EVI5: variants seen among roughly 807,000 people sequenced by gnomAD.
The protein encoded by EVI5 is ecotropic viral integration site 5, also known as ecotropic viral integration site 5 protein homolog.
EVI5 carries 73 observed loss-of-function variants against 112.0 expected under a neutral mutation model. The observed-to-expected ratio is 0.65, with a 90% CI of 0.54 to 0.79. The LOEUF is 0.79. EVI5 is among the 30% of genes least tolerant of loss of function. The probability of loss-of-function intolerance (pLI) is 0.00; values close to 1 mark genes in which losing one functional copy is unlikely to be tolerated. For synonymous variants in EVI5, 305 were observed against 319.9 expected (o/e 0.95, Z 0.50); for missense variants, 900 against 968.8 (o/e 0.93, Z 0.94).
intron 10 of EVI5, among the ~76,000 whole-genome samples, chr1:92,671,964 G>A (rs1665955847): frequency 6.6e-6 from 1 of 151,016 alleles, no homozygotes; most frequent in Non-Finnish European, 1.5e-5. Flanking sequence ...CACCATGCCT[G>A]GCAATTTGAA....
chr1:92,561,299 C>T (rs968334232), intron 19 of EVI5, among the ~76,000 whole-genome samples: 1 of 151,962 alleles, frequency 6.6e-6, no homozygotes, highest in Non-Finnish European at 1.5e-5. Flanking sequence ...CTATCTGCAA[C>T]AAGGAAGGGT....
chr1:92,755,435 A>C (rs1680808483), intron 1 of EVI5, among the ~76,000 whole-genome samples: 1 of 152,128 alleles, frequency 6.6e-6, no homozygotes, highest in Non-Finnish European at 1.5e-5. Context: ...CAAACCAAAA[A>C]ACCCAAAAAC....
chr1:92,703,420 T>C lies in EVI5; in HGVS notation c.539A>G (p.Gln180Arg), dbSNP rs1671501564. ...CTTCATTACATTAAATAAAACCTCC[T>C]GTCCAAGGCTATCTTTTTCCTTAAA... ...NFFKEKDSLG[Q>R]EVLFNVMKAY... is the part of the protein sequence containing the mutation. Residue 180 changes from glutamine (Q) to arginine (R), a missense_variant, in exon 4 of 20, where the codon CAG becomes CGG. Coordinates refer to ENST00000684568, the MANE Select transcript of EVI5 (RefSeq NM_001350197.2). The C allele has an allele frequency of 1.9e-6, 3 of 1,572,372 alleles. No individual in the cohort carries two copies. Among genetic ancestry groups the C allele is most frequent in the Non-Finnish European group, 2.6e-6 (3 of 1,164,934 alleles).
chr1:92,660,991 C>T (rs1371359726), intron 13 of EVI5, among the ~76,000 whole-genome samples: 1 of 151,632 alleles, frequency 6.6e-6, no homozygotes, highest in Non-Finnish European at 1.5e-5. Flanking sequence ...CTGAGAAGGT[C>T]TAGCCCTATT....
intron 18 of EVI5, 112 bp downstream of exon 18, chr1:92,605,195 G>A: frequency 1.3e-6 from 1 of 758,046 alleles, no homozygotes; most frequent in East Asian, 2.5e-5. Flanking sequence ...GGAAATGAAT[G>A]ATTACTGAAA....
intron 18 of EVI5, among the ~76,000 whole-genome samples, chr1:92,567,768 T>C (rs1669721901): frequency 6.6e-6 from 1 of 152,230 alleles, no homozygotes; most frequent in Non-Finnish European, 1.5e-5. Context: ...TAATATCAGA[T>C]ACAGTTATCT....
intron 18 of EVI5, among the ~76,000 whole-genome samples, chr1:92,602,479 T>TG (rs1649387535): frequency 6.6e-6 from 1 of 152,182 alleles, no homozygotes. Context: ...CCTTGTAATA[T>TG]GGAACTCCTA....
At chr1:92,614,840 TTATATATATATATATATA>T (rs561640520) in intron 16 of EVI5, among the ~76,000 whole-genome samples, 2 of 12,612 alleles carry the variant, frequency 1.6e-4, no homozygotes, top group Admixed American at 1.9e-3. Context: ...ATGTTATATT[TTATATATATATATATATA>T]TATATATATA....
chr1:92,523,399 G>A (rs1252347844), intron 19 of EVI5, among the ~76,000 whole-genome samples: 2 of 151,580 alleles, frequency 1.3e-5, no homozygotes, highest in Non-Finnish European at 2.9e-5. Flanking sequence ...TTGGCCTGTT[G>A]AAATAGTTAT....
chr1:92,735,636 TG>T, intron 2 of EVI5, among the ~76,000 whole-genome samples: 1 of 30,290 alleles, frequency 3.3e-5, no homozygotes, highest in Non-Finnish European at 6.4e-5. Flanking sequence ...ATATGATATA[TG>T]TCATATATAT....
Position 92,693,805 on chromosome 1 carries a change from T to C in EVI5, c.1094A>G (p.Lys365Arg). 6.4e-7 allele frequency: 1 copy of C among 1,554,160 alleles called. No homozygotes were observed. The highest frequency in any genetic ancestry group is 1.1e-5 in the South Asian group (1 of 87,160). Residue 365 changes from lysine (K) to arginine (R), a missense_variant, in exon 9 of 20, where the codon AAA (lysine) becomes AGA (arginine). Physicochemically the swap from Lys to Arg is conservative, Grantham distance 26 (BLOSUM62 2). Transcript: ENST00000684568. ...AACAAAAATATAAAATACTTACTTTTTCATTTTTTTTGAATTGTATTTGAC... is the reference window on the plus strand; with the variant it reads ...AACAAAAATATAAAATACTTACTTTCTCATTTTTTTTGAATTGTATTTGAC... ...YQVKYNSKKM[K>R]KLEKEYTTIK...
chr1:92,547,382 T>C (rs367676416), intron 19 of EVI5, among the ~76,000 whole-genome samples: 3 of 152,100 alleles, frequency 2.0e-5, no homozygotes, highest in African/African-American at 4.8e-5. Context: ...ACTAAATGCC[T>C]ACAAGAGAAA....
intron 1 of EVI5, chr1:92,756,727 A>G: frequency 2.1e-6 from 1 of 484,894 alleles, no homozygotes; most frequent in Non-Finnish European, 4.2e-6. Context: ...ACATCAACCA[A>G]GCTGTTGTTA....
At chr1:92,615,155 T>A (rs568429166) in intron 16 of EVI5, among the ~76,000 whole-genome samples, 1 of 152,268 alleles carries the variant, frequency 6.6e-6, no homozygotes, top group East Asian at 1.9e-4. Context: ...TTGACACTCC[T>A]GATTTACTAT....
At chr1:92,638,522 C>T (rs919245265) in intron 13 of EVI5, among the ~76,000 whole-genome samples, 1 of 152,104 alleles carries the variant, frequency 6.6e-6, no homozygotes, top group East Asian at 1.9e-4. Context: ...CTATAAATTA[C>T]CTGAAGCTAA....
At chr1:92,622,296 C>T (rs901528596) in intron 16 of EVI5, 15 of 445,364 alleles carry the variant, frequency 3.4e-5, no homozygotes, top group Admixed American at 7.3e-5. Flanking sequence ...CTTGGTTTTA[C>T]GCATTAAAAA....
intron 1 of EVI5, among the ~76,000 whole-genome samples, chr1:92,792,106 C>G (rs2103166762): frequency 6.6e-6 from 1 of 152,324 alleles, no homozygotes; most frequent in South Asian, 2.1e-4. Flanking sequence ...AAATACCTTT[C>G]TTGCAGGTAT....
chr1:92,645,489 T>C (rs886456712), intron 13 of EVI5, among the ~76,000 whole-genome samples: 2 of 152,210 alleles, frequency 1.3e-5, no homozygotes, highest in African/African-American at 4.8e-5. Flanking sequence ...GCTCTACACA[T>C]TTCCATAGCT....
intron 13 of EVI5, among the ~76,000 whole-genome samples, chr1:92,639,343 A>C (rs1463901199): frequency 6.6e-6 from 1 of 152,146 alleles, no homozygotes; most frequent in Non-Finnish European, 1.5e-5. Context: ...TTTGAAGGAA[A>C]TAGGAGTAAT....
Sources: allele counts gnomAD v4.1 joint callset (sites outside exome capture counted in the v4.1 genomes callset), GRCh38; gene constraint gnomAD v4.1.1; transcripts MANE v1.5; gene names NCBI Gene and HGNC (gene_info 2026-07-23, HGNC 2026-07-21).